The following GTF3C4 variants were observed in gnomAD, a reference collection of about 807,000 sequenced individuals.
The protein encoded by GTF3C4 is general transcription factor 3C polypeptide 4.
A neutral mutation model predicts 67.5 loss-of-function variants in GTF3C4; 28 were observed. That is an observed-to-expected ratio of 0.41 (90% CI 0.31 to 0.57). The LOEUF (loss-of-function observed/expected upper bound fraction) is 0.57, where lower values mean the gene tolerates loss of function less well. Among genes scored for constraint, GTF3C4 ranks in the 20% least tolerant of loss-of-function variants. GTF3C4 has a pLI of 0.21. For missense variants in GTF3C4, 831 were observed against 1,033.2 expected, an observed-to-expected ratio of 0.80 and a Z score of 2.68; for synonymous variants, 409 against 393.0, an observed-to-expected ratio of 1.04 and a Z score of -0.48.
At chr9:132,687,470 C>T in intron 4 of GTF3C4, 143 bp downstream of exon 4, 1 of 620,446 alleles carries the variant, frequency 1.6e-6, no homozygotes, top group Admixed American at 2.3e-5. Flanking sequence ...TAGGCCCCTG[C>T]TGCTCTTTAC....
At position 132,690,535 on chromosome 9, in the gene GTF3C4, C is replaced by T. The variant is rs1387160125; in HGVS notation, c.*1590C>T. 2.7e-5 allele frequency: 4 copies of T among 150,592 alleles called. No homozygotes were observed. The highest frequency in any genetic ancestry group is 5.9e-5 in the Non-Finnish European group (4 of 67,618). The allele number at this position is 150,592 out of a possible 1,614,324, so 9.3% of individuals were successfully genotyped here. ...CATTGATAGGTAGTGCAGACCAGCCCTTGGAGGCACTTCTAAACAGTCTGC... is the reference window on the plus strand; with the variant it reads ...CATTGATAGGTAGTGCAGACCAGCCTTTGGAGGCACTTCTAAACAGTCTGC... On this transcript the variant is annotated 3_prime_UTR_variant, in exon 5 of 5. Coordinates refer to ENST00000372146, the MANE Select transcript of GTF3C4 (RefSeq NM_012204.4).
At chr9:132,670,239 T>G (rs771883786), upstream of GTF3C4, 1 of 1,526,334 alleles carries the variant, frequency 6.6e-7, no homozygotes, top group Non-Finnish European at 8.8e-7. Flanking sequence ...AGAAGCGAGA[T>G]CCGGCGCCAT....
In GTF3C4 at chr9:132,678,776, G is replaced by A. The variant is rs1409996696; in HGVS notation, c.1157G>A (p.Cys386Tyr). 1 of 1,614,108 alleles carries A rather than the reference G, an allele frequency of 6.2e-7. No homozygotes were observed. Among genetic ancestry groups the A allele is most frequent in the East Asian group, 2.2e-5 (1 of 44,884 alleles). ...CCACTTTATCATCCTTACCAGAAGT[G>A]TAGTTGCAGCTTAGTAGTGGCTGCA... ...CVPLYHPYQK[C>Y]SCSLVVAARG... The change falls in exon 2 of 5, where the codon TGT (cysteine) becomes TAT (tyrosine). Residue 386 changes from cysteine (C) to tyrosine (Y), a missense_variant. By Grantham distance (194) the Cys-to-Tyr change is radical. Coordinates refer to ENST00000372146, the MANE Select transcript of GTF3C4 (RefSeq NM_012204.4). This position sits in a 1 kb window ranked among gnomAD's most constrained non-coding sequence, Gnocchi z 6.5.
At chr9:132,687,352 G>T (rs778226586) in intron 4 of GTF3C4, 25 bp downstream of exon 4, 7 of 1,046,308 alleles carry the variant, frequency 6.7e-6, no homozygotes, top group South Asian at 3.8e-5. Flanking sequence ...TTACTTGGGA[G>T]GGTGGGTGGG....
chr9:132,674,201 C>T (rs769991303), intron 1 of GTF3C4, among the ~76,000 whole-genome samples: 5 of 152,142 alleles, frequency 3.3e-5, no homozygotes, highest in Non-Finnish European at 7.3e-5. Context: ...TGGTGAAAAC[C>T]GCAATTACTT....
Position 132,692,583 on chromosome 9 carries a change from CTT to C in GTF3C4, c.*3640_*3641del. 6.6e-6 allele frequency: 1 copy of C among 151,548 alleles called. No homozygotes were observed. Among genetic ancestry groups the C allele is most frequent in the Non-Finnish European group, 1.5e-5 (1 of 67,866 alleles). 9.4% of individuals were successfully genotyped at this position (151,548 alleles called of 1,614,324 possible). A position where few individuals can be genotyped will look rare whatever the true frequency, so the allele number is the denominator to read the frequency against. On this transcript the variant is annotated 3_prime_UTR_variant, in exon 5 of 5. Coordinates refer to ENST00000372146, the MANE Select transcript of GTF3C4 (RefSeq NM_012204.4). ...AATAGGCAGACAAATACAGGAATGT[CTT>C]TACAATTAGCCCACCATGGACTGTT...
In GTF3C4 at chr9:132,688,886, G is replaced by A. The variant is rs538028488; in HGVS notation, c.2410G>A (p.Asp804Asn). 4 of 1,611,030 alleles carry A rather than the reference G, an allele frequency of 2.5e-6. No homozygotes were observed. Among genetic ancestry groups the A allele is most frequent in the South Asian group, 1.1e-5 (1 of 91,008 alleles). The change falls in exon 5 of 5, where the codon GAC becomes AAC. Residue 804 changes from aspartate (D) to asparagine (N), a missense_variant. Asp to Asn is a conservative substitution (Grantham distance 23, BLOSUM62 1). Coordinates refer to ENST00000372146, the MANE Select transcript of GTF3C4 (RefSeq NM_012204.4). ...CACTTGTCCTCCTTTTGCAGATCCC[G>A]ACTGGATTAAGAGGTTACTGCAAAG... Reference protein sequence around the residue: ...IARHPAPEDPDWIKRLLQSPC... With the variant: ...IARHPAPEDPNWIKRLLQSPC...
chr9:132,672,950 C>T (rs1301910993), intron 1 of GTF3C4, among the ~76,000 whole-genome samples: 1 of 151,912 alleles, frequency 6.6e-6, no homozygotes, highest in Non-Finnish European at 1.5e-5. Context: ...TTTGGGAGGC[C>T]GAGGCGAGCG....
In GTF3C4 at chr9:132,670,794, G is replaced by A. The variant is rs778934641; in HGVS notation, c.196G>A (p.Gly66Ser). ...CGTGAAGCTGCAGTATGCGGTGAGC[G>A]GCCTGGAACCGCTGGCTTGGTCCGA... ...PAVKLQYAVS[G>S]LEPLAWSEDH... The change falls in exon 1 of 5, where the codon GGC (glycine) becomes AGC (serine). Residue 66 changes from glycine to serine, a missense_variant. Physicochemically the swap from Gly to Ser is moderately conservative, Grantham distance 56. Coordinates refer to ENST00000372146, the MANE Select transcript of GTF3C4 (RefSeq NM_012204.4). 2 of 1,596,804 alleles carry A rather than the reference G, an allele frequency of 1.3e-6. No individual in the cohort carries two copies. The highest frequency in any genetic ancestry group is 1.3e-5 in the African/African-American group (1 of 74,740).
chr9:132,670,952 C>G lies in GTF3C4; in HGVS notation c.354C>G (p.Leu118=). 1.2e-6 allele frequency: 2 copies of G among 1,601,618 alleles called. No homozygotes were observed. The highest frequency in any genetic ancestry group is 1.7e-6 in the Non-Finnish European group (2 of 1,170,350). The change falls in exon 1 of 5, where the codon CTC becomes CTG. Residue 118 remains leucine (L), a synonymous_variant. Coordinates refer to ENST00000372146, the MANE Select transcript of GTF3C4 (RefSeq NM_012204.4). ...SVPAPLNSCL[L]KVGSKTEVAE... is the part of the protein sequence containing the mutation. The stretch of plus-strand genomic sequence containing the variant: ...CCGCACCGCTCAACAGCTGTCTCCT[C>G]AAAGTAAGTCATCCCCCGCCATCCC...
intron 1 of GTF3C4, among the ~76,000 whole-genome samples, chr9:132,671,719 C>CAA (rs10673042): frequency 0.47 from 71,728 of 151,386 alleles, 17,657 homozygotes; most frequent in African/African-American, 0.61. Context: ...TGTGAACTGT[C>CAA]AGTGTATATT....
At chr9:132,687,768 T>C (rs1215474624) in intron 4 of GTF3C4, among the ~76,000 whole-genome samples, 1 of 152,204 alleles carries the variant, frequency 6.6e-6, no homozygotes, top group Non-Finnish European at 1.5e-5. Context: ...TTTTTCCTGG[T>C]TGGTCTATGT....
chr9:132,688,690 A>G (rs967160168), intron 4 of GTF3C4, among the ~76,000 whole-genome samples, 191 bp from the exon 5 acceptor site: 19 of 152,226 alleles, frequency 1.2e-4, no homozygotes, highest in Admixed American at 1.0e-3. Context: ...CCACAAGTTT[A>G]GTCCAGCCTC....
chr9:132,670,702 C>T lies in GTF3C4; in HGVS notation c.104C>T (p.Pro35Leu), dbSNP rs768668818. The change falls in exon 1 of 5, where the codon CCA becomes CTA. Residue 35 changes from proline to leucine, a missense_variant. Pro to Leu is a moderately conservative substitution (Grantham distance 98). Transcript: ENST00000372146. ...GGCGGCGAGGCGGGCGGGAAGGAGC[C>T]AGCAGCGGACGCGGCCCCGGGGCCC... ...EGGGEAGGKE[P>L]AADAAPGPSA... 2.2e-5 allele frequency: 34 copies of T among 1,523,578 alleles called. No individual in the cohort carries two copies. The African/African-American group carries it at 4.3e-4, about 19-fold the overall frequency. The allele number at this position is 1,523,578 out of a possible 1,614,324, so 94.4% of individuals were successfully genotyped here. A position where few individuals can be genotyped will look rare whatever the true frequency, so the allele number is the denominator to read the frequency against.
rs143136226 is a variant in GTF3C4 at position 132,679,529 on chromosome 9, A to C, written c.1910A>C (p.Gln637Pro). 7 of 1,614,186 alleles carry C rather than the reference A, an allele frequency of 4.3e-6. No individual in the cohort carries two copies. The South Asian group carries it at 6.6e-5, about 15-fold the overall frequency. The change falls in exon 2 of 5, where the codon CAG becomes CCG. Residue 637 changes from glutamine (Q) to proline (P), a missense_variant. Physicochemically the swap from Gln to Pro is moderately conservative, Grantham distance 76 (BLOSUM62 -1). Transcript: ENST00000372146. This position sits in a 1 kb window ranked among gnomAD's most constrained non-coding sequence, Gnocchi z 5.9. Reference sequence around the variant, plus strand: ...AAACAGGTGGTGAAGCAAGGCCTGCAGGAGAGGAGCAAGGAAGGAGATGTA... The same window carrying C: ...AAACAGGTGGTGAAGCAAGGCCTGCCGGAGAGGAGCAAGGAAGGAGATGTA... The part of the protein sequence containing the change: ...SSKQVVKQGL[Q>P]ERSKEGDVEE...
rs143136226 is a variant in GTF3C4, at chr9:132,679,529, A to T, written c.1910A>T (p.Gln637Leu). 3.6e-5 allele frequency: 58 copies of T among 1,614,068 alleles called. No individual in the cohort carries two copies. Among genetic ancestry groups the T allele is most frequent in the Non-Finnish European group, 4.8e-5 (57 of 1,180,046 alleles). The change falls in exon 2 of 5, where the codon CAG becomes CTG. Residue 637 changes from glutamine to leucine, a missense_variant. This residue lies in a region of GTF3C4 where 75 missense variants were observed against 66.4 expected (regional missense o/e 1.13). Transcript: ENST00000372146. The surrounding 1 kb of genome is among the most constrained non-coding windows in gnomAD (Gnocchi z 5.9). ...AAACAGGTGGTGAAGCAAGGCCTGC[A>T]GGAGAGGAGCAAGGAAGGAGATGTA... ...SSKQVVKQGL[Q>L]ERSKEGDVEE...
In GTF3C4 at chr9:132,687,337, T is replaced by C. The variant is rs1186972689; in HGVS notation, c.2404+10T>C. On this transcript the variant is annotated intron_variant, in intron 4 of 4. Coordinates refer to ENST00000372146, the MANE Select transcript of GTF3C4 (RefSeq NM_012204.4). ...CATCCAGCTCCAGAAGGTGAGTGCT[T>C]TCCCTTACTTGGGAGGGTGGGTGGG... 29 of 592,912 alleles carry C rather than the reference T, an allele frequency of 4.9e-5. No homozygotes were observed. The highest frequency in any genetic ancestry group is 8.5e-5 in the Non-Finnish European group (28 of 328,940). The allele number at this position is 592,912 out of a possible 1,614,324, so 36.7% of individuals were successfully genotyped here.
At chr9:132,685,067 T>G (rs1836005442) in intron 3 of GTF3C4, among the ~76,000 whole-genome samples, 4 of 147,806 alleles carry the variant, frequency 2.7e-5, no homozygotes, top group Admixed American at 1.4e-4. Flanking sequence ...CAGGCTGGAG[T>G]GCAGTGGCAC....
chr9:132,684,210 T>G (rs549741297), intron 3 of GTF3C4, among the ~76,000 whole-genome samples: 4 of 152,332 alleles, frequency 2.6e-5, no homozygotes, highest in Admixed American at 6.5e-5. Context: ...TTGCTTATCA[T>G]CTGCACACTG....
Sources: gnomAD v4.1 joint callset for allele counts (sites outside exome capture counted in the v4.1 genomes callset) on GRCh38, gnomAD v4.1.1 for gene constraint, gnomAD v4.1.1 regional missense constraint, Gnocchi (gnomAD v3.1) non-coding constraint, MANE v1.5 for transcripts, NCBI Gene and HGNC (gene_info 2026-07-23, HGNC 2026-07-21) for gene names.